The following ATF7IP2 variants were observed in gnomAD, a reference collection of about 807,000 sequenced individuals.
The protein encoded by ATF7IP2 is activating transcription factor 7 interacting protein 2.
Under a neutral mutation model 64.2 loss-of-function variants are expected in ATF7IP2, and 42 were observed. That is an observed-to-expected ratio of 0.65 (90% CI 0.51 to 0.85). ATF7IP2 has a LOEUF of 0.85. Among genes scored for constraint, ATF7IP2 ranks in the 40% least tolerant of loss-of-function variants. The pLI is 0.00. For missense variants in ATF7IP2, 933 were observed against 784.2 expected (o/e 1.19, Z -2.27); for synonymous variants, 308 against 272.8 (o/e 1.13, Z -1.27).
chr16:10,414,707 A>G (rs2047837702), intron 2 of ATF7IP2, 95 bp downstream of exon 2: 1 of 148,866 alleles, frequency 6.7e-6, no homozygotes, highest in Non-Finnish European at 1.5e-5. Context: ...GTTTTGTCAT[A>G]TTACCAGAGT....
intron 8 of ATF7IP2, among the ~76,000 whole-genome samples, chr16:10,443,223 T>C (rs1447182297): frequency 6.6e-6 from 1 of 152,148 alleles, no homozygotes; most frequent in Non-Finnish European, 1.5e-5. Flanking sequence ...GCTCACTGCA[T>C]CCCTTTAGGT....
chr16:10,439,830 G>A (rs1034531211), intron 7 of ATF7IP2, among the ~76,000 whole-genome samples: 1 of 151,092 alleles, frequency 6.6e-6, no homozygotes, highest in African/African-American at 2.4e-5. Context: ...CACTGCGCCC[G>A]GCCGAAGTTT....
intron 1 of ATF7IP2, among the ~76,000 whole-genome samples, chr16:10,406,039 A>G (rs1393596455): frequency 6.6e-6 from 1 of 152,048 alleles, no homozygotes; most frequent in Non-Finnish European, 1.5e-5. Context: ...CAGTGAGCTG[A>G]GATCGTGCCA....
At chr16:10,406,131 T>G (rs1339203094) in intron 1 of ATF7IP2, among the ~76,000 whole-genome samples, 1 of 151,828 alleles carries the variant, frequency 6.6e-6, no homozygotes, top group Admixed American at 6.6e-5. Context: ...TTTCATAGAA[T>G]ATTTTACTCT....
intron 4 of ATF7IP2, 123 bp from the exon 5 acceptor site, chr16:10,430,488 A>T: frequency 1.7e-6 from 1 of 600,534 alleles, no homozygotes; most frequent in Non-Finnish European, 2.9e-6. Flanking sequence ...TAAGGTGATT[A>T]TCTAAATATG....
chr16:10,458,228 G>A (rs756496836), intron 9 of ATF7IP2, among the ~76,000 whole-genome samples: 1 of 152,298 alleles, frequency 6.6e-6, no homozygotes, highest in Middle Eastern at 3.4e-3. Context: ...CTAATATTCT[G>A]TAATATTGGG....
intron 8 of ATF7IP2, among the ~76,000 whole-genome samples, chr16:10,452,594 TGAG>T (rs1322633125): frequency 1.3e-5 from 2 of 152,148 alleles, no homozygotes; most frequent in African/African-American, 2.4e-5. Context: ...GGGACCCACT[TGAG>T]GAGCCAGTCT....
intron 3 of ATF7IP2, among the ~76,000 whole-genome samples, chr16:10,420,803 A>G (rs529422797): frequency 2.0e-5 from 3 of 152,360 alleles, no homozygotes; most frequent in South Asian, 2.1e-4. Flanking sequence ...AAGGCAGTCA[A>G]TACCTCAATT....
At chr16:10,479,493 G>A in intron 12 of ATF7IP2, among the ~76,000 whole-genome samples, 1 of 152,054 alleles carries the variant, frequency 6.6e-6, no homozygotes, top group African/African-American at 2.4e-5. Flanking sequence ...ACACACTGGG[G>A]CCTGTTGTAG....
intron 3 of ATF7IP2, among the ~76,000 whole-genome samples, chr16:10,424,198 C>T (rs977398028): frequency 6.6e-6 from 1 of 152,196 alleles, no homozygotes; most frequent in African/African-American, 2.4e-5. Context: ...GAGGTGTTCC[C>T]TTGCCCTAAT....
intron 12 of ATF7IP2, among the ~76,000 whole-genome samples, chr16:10,474,292 C>T (rs2049922872): frequency 2.6e-5 from 4 of 152,066 alleles, no homozygotes; most frequent in Admixed American, 6.6e-5. Context: ...ATGTGTCCTT[C>T]GGAGATTGAC....
intron 8 of ATF7IP2, chr16:10,445,696 AG>A (rs1225011245): frequency 2.0e-5 from 3 of 152,158 alleles, no homozygotes; most frequent in Non-Finnish European, 4.4e-5. Context: ...TAGTAGAGAC[AG>A]GATTTCTTTA....
chr16:10,457,523 C>G lies in ATF7IP2; in HGVS notation c.1346C>G (p.Ser449Cys). Reference sequence around the variant, plus strand: ...TCATCAGATCAAAATAAGTCTGTTTCTGAAAGGTAGGTGTTTCTGCAAAAA... The same window carrying G: ...TCATCAGATCAAAATAAGTCTGTTTGTGAAAGGTAGGTGTTTCTGCAAAAA... ...NLSSDQNKSV[S>C]ESNNDDVMLI... Residue 449 changes from serine (S) to cysteine (C), a missense_variant, in exon 9 of 14, where the codon TCT (serine) becomes TGT (cysteine). Transcript: ENST00000562102. 1 of 1,564,564 alleles carries G rather than the reference C, an allele frequency of 6.4e-7. No homozygotes were observed. Among genetic ancestry groups the G allele is most frequent in the Non-Finnish European group, 8.6e-7 (1 of 1,161,704 alleles).
At chr16:10,439,066 A>AT (rs1408131614) in intron 7 of ATF7IP2, among the ~76,000 whole-genome samples, 1 of 151,498 alleles carries the variant, frequency 6.6e-6, no homozygotes, top group Admixed American at 6.6e-5. Context: ...AAAAAAAAAA[A>AT]ATAGGCAGTT....
chr16:10,438,220 A>T lies in ATF7IP2; in HGVS notation c.1080A>T (p.Ile360=). The T allele has an allele frequency of 6.3e-7, 1 of 1,595,546 alleles. No homozygotes were observed. The highest frequency in any genetic ancestry group is 8.5e-7 in the Non-Finnish European group (1 of 1,173,800). ...KTECRNKHEG[I]ADKLLAKIAK... is the part of the protein sequence containing the mutation. ...AGTGCAGAAATAAGCATGAAGGAAT[A>T]GCTGATAAACTTTTGGTAAGTTTTG... Residue 360 remains isoleucine, a synonymous_variant, in exon 7 of 14, where the codon ATA becomes ATT. Transcript: ENST00000562102.
At chr16:10,420,045 C>G (rs899037460) in intron 3 of ATF7IP2, among the ~76,000 whole-genome samples, 15 of 152,302 alleles carry the variant, frequency 9.8e-5, no homozygotes, top group African/African-American at 3.6e-4. Context: ...CCTCCTTTTG[C>G]TTTTGCAACG....
chr16:10,426,172 T>G (rs1336568107), intron 3 of ATF7IP2, among the ~76,000 whole-genome samples: 3 of 152,242 alleles, frequency 2.0e-5, no homozygotes, highest in Admixed American at 6.5e-5. Context: ...ATTTCATCTT[T>G]TGCAGCATGT....
intron 6 of ATF7IP2, among the ~76,000 whole-genome samples, chr16:10,434,742 G>C (rs1412949362): frequency 2.0e-5 from 3 of 152,098 alleles, no homozygotes; most frequent in Non-Finnish European, 4.4e-5. Flanking sequence ...AGAAGGTTGG[G>C]GATTCCAGCT....
intron 1 of ATF7IP2, among the ~76,000 whole-genome samples, chr16:10,391,171 A>T (rs1424485586): frequency 7.2e-6 from 1 of 139,308 alleles, no homozygotes; most frequent in African/African-American, 2.7e-5. Context: ...AAAAAAAAAA[A>T]TGTGCTGGGC....
Sources: allele counts gnomAD v4.1 joint callset (sites outside exome capture counted in the v4.1 genomes callset), GRCh38; gene constraint gnomAD v4.1.1; transcripts MANE v1.5; gene names NCBI Gene and HGNC (gene_info 2026-07-23, HGNC 2026-07-21).